The following MALL variants were observed in gnomAD, a reference collection of about 807,000 sequenced individuals.
The protein encoded by MALL is MAL-like protein.
In MALL, 2 loss-of-function variants were observed where a neutral mutation model predicts 10.3. The observed-to-expected ratio is 0.19, with a 90% CI of 0.08 to 0.61. The LOEUF (loss-of-function observed/expected upper bound fraction) is 0.61, where lower values mean the gene tolerates loss of function less well. Ranked by LOEUF, MALL falls within the 20% of genes least tolerant of loss-of-function variation. The pLI is 0.88. For synonymous variants in MALL, 27 were observed against 51.8 expected, an observed-to-expected ratio of 0.52 and a Z score of 2.05; for missense variants, 39 against 115.2, an observed-to-expected ratio of 0.34 and a Z score of 3.03.
chr2:110,111,677 C>T (rs1678804481), intron 1 of MALL, among the ~76,000 whole-genome samples: 1 of 151,934 alleles, frequency 6.6e-6, no homozygotes, highest in Non-Finnish European at 1.5e-5. Context: ...TCTACAAATT[C>T]AATGCAATCC....
At chr2:110,111,196 A>G (rs557677158) in intron 1 of MALL, among the ~76,000 whole-genome samples, 1 of 152,278 alleles carries the variant, frequency 6.6e-6, no homozygotes, top group Non-Finnish European at 1.5e-5. Flanking sequence ...CCTCTTCACC[A>G]TAGTACTGGA....
intron 1 of MALL, among the ~76,000 whole-genome samples, chr2:110,109,430 A>G (rs1678756529): frequency 6.6e-6 from 1 of 152,176 alleles, no homozygotes; most frequent in Non-Finnish European, 1.5e-5. Context: ...CAAACTTTAA[A>G]GCATTATCAG....
chr2:110,092,661 A>G (rs1678395585), intron 1 of MALL, among the ~76,000 whole-genome samples: 1 of 120,462 alleles, frequency 8.3e-6, no homozygotes, highest in African/African-American at 2.7e-5. Flanking sequence ...CATATGTAAC[A>G]AACATGCACA....
At chr2:110,112,454 A>G (rs1009888113) in intron 1 of MALL, among the ~76,000 whole-genome samples, 1 of 152,190 alleles carries the variant, frequency 6.6e-6, no homozygotes, top group African/African-American at 2.4e-5. Context: ...AAAAGAAGAT[A>G]TACAAATGGC....
chr2:110,115,893 GA>G (rs397872304), upstream of MALL: 19,851 of 347,528 alleles, frequency 0.057, 18 homozygotes, highest in Middle Eastern at 0.072. Context: ...GCCTGGGAGG[GA>G]AAAAAAAAAA....
intron 1 of MALL, among the ~76,000 whole-genome samples, chr2:110,114,071 C>A (rs1479755710): frequency 6.6e-6 from 1 of 152,050 alleles, no homozygotes; most frequent in Non-Finnish European, 1.5e-5. Flanking sequence ...CAGGTGCGGC[C>A]AACATGACCT....
At chr2:110,097,746 A>T (rs1468036869) in intron 1 of MALL, 1 of 292,772 alleles carries the variant, frequency 3.4e-6, no homozygotes, top group Non-Finnish European at 6.8e-6. Context: ...AGGGGTGGGT[A>T]CCCTGTGGCA....
At position 110,113,487 on chromosome 2, in the gene MALL, A is replaced by G. The variant is rs541990729; in HGVS notation, c.105+2201T>C. Among the ~76,000 whole-genome samples, 75 of 151,612 alleles carry G rather than the reference A, an allele frequency of 4.9e-4. 1 individual carries two copies. The highest frequency in any genetic ancestry group is 1.8e-3 in the African/African-American group (73 of 41,324). ...ACTACAAATGTAGTGCAGTGTATACATGGATGATGAGTGCACCAAAATCTT... is the reference window on the plus strand; with the variant it reads ...ACTACAAATGTAGTGCAGTGTATACGTGGATGATGAGTGCACCAAAATCTT... On this transcript the variant is annotated intron_variant, in intron 1 of 3. Coordinates refer to ENST00000272462, the MANE Select transcript of MALL (RefSeq NM_005434.5).
intron 1 of MALL, among the ~76,000 whole-genome samples, chr2:110,100,411 T>C (rs1383595918): frequency 6.6e-6 from 1 of 151,950 alleles, no homozygotes; most frequent in Non-Finnish European, 1.5e-5. Context: ...AGTTCGAGGC[T>C]GCAGTGAACT....
In MALL at chr2:110,113,057, A is replaced by G. The variant is rs1678838427; in HGVS notation, c.105+2631T>C. 2.0e-5 allele frequency among the ~76,000 whole-genome samples: 3 copies of G among 152,094 alleles called. No homozygotes were observed. In the South Asian group the frequency reaches 6.2e-4, roughly 32 times the overall value. On this transcript the variant is annotated intron_variant, in intron 1 of 3. Coordinates refer to ENST00000272462, the MANE Select transcript of MALL (RefSeq NM_005434.5). ...ATGTTCTCACTGATATGTGGGAGCT[A>G]AGCTATAAGGACACAAAGGCATAAG...
intron 1 of MALL, among the ~76,000 whole-genome samples, chr2:110,111,583 A>G (rs1303682106): frequency 6.6e-6 from 1 of 152,212 alleles, no homozygotes; most frequent in Non-Finnish European, 1.5e-5. Flanking sequence ...GAAATCACAG[A>G]TGACACAAAC....
chr2:110,115,704 A>C lies in MALL; in HGVS notation c.89T>G (p.Phe30Cys). The C allele has an allele frequency of 7.8e-7, 1 of 1,288,030 alleles. No homozygotes were observed. The highest frequency in any genetic ancestry group is 9.9e-7 in the Non-Finnish European group (1 of 1,010,550). The allele number at this position is 1,288,030 out of a possible 1,614,324, so 79.8% of individuals were successfully genotyped here. Residue 30 changes from phenylalanine (F) to cysteine (C), a missense_variant, in exon 1 of 4, where the codon TTC (phenylalanine) becomes TGC (cysteine). By Grantham distance (205) the Phe-to-Cys change is radical (BLOSUM62 -2). Transcript: ENST00000272462. ...VALFLTIPFAFFLPELIFGFL... is the reference protein window; with the variant it reads ...VALFLTIPFACFLPELIFGFL... Reference sequence around the variant, plus strand: ...CGCACTCACCAGCTCGGGCAGGAAGAAGGCGAAAGGGATGGTGAGGAACAG... The same window carrying C: ...CGCACTCACCAGCTCGGGCAGGAAGCAGGCGAAAGGGATGGTGAGGAACAG...
chr2:110,109,750 C>T (rs1164340508), intron 1 of MALL, among the ~76,000 whole-genome samples: 2 of 151,992 alleles, frequency 1.3e-5, no homozygotes, highest in African/African-American at 4.8e-5. Context: ...ACATTTCATC[C>T]AACAACTGCA....
intron 1 of MALL, among the ~76,000 whole-genome samples, chr2:110,110,099 A>G (rs1678774219): frequency 6.6e-6 from 1 of 152,138 alleles, no homozygotes; most frequent in African/African-American, 2.4e-5. Context: ...ATAGCCCTAA[A>G]CACCTACATC....
intron 1 of MALL, among the ~76,000 whole-genome samples, chr2:110,109,240 C>G (rs890338040): frequency 6.6e-6 from 1 of 152,116 alleles, no homozygotes; most frequent in Non-Finnish European, 1.5e-5. Flanking sequence ...CCTAAATGAT[C>G]CACTTAAAAG....
intron 1 of MALL, among the ~76,000 whole-genome samples, chr2:110,111,366 C>A (rs1678798272): frequency 6.6e-6 from 1 of 152,098 alleles, no homozygotes; most frequent in Non-Finnish European, 1.5e-5. Flanking sequence ...AAGAATTCAG[C>A]AAAAGTTTCT....
At chr2:110,115,436 T>G (rs1420203991) in intron 1 of MALL, among the ~76,000 whole-genome samples, 2 of 142,286 alleles carry the variant, frequency 1.4e-5, no homozygotes. Flanking sequence ...GTGCGCCCGG[T>G]GGGAGGCTGG....
chr2:110,105,568 G>A (rs908262109), intron 1 of MALL, among the ~76,000 whole-genome samples: 11 of 152,290 alleles, frequency 7.2e-5, no homozygotes, highest in Non-Finnish European at 1.5e-4. Flanking sequence ...GTGAAGGGAG[G>A]GACAGAGACA....
chr2:110,093,106 C>G (rs1427780263), intron 1 of MALL, among the ~76,000 whole-genome samples: 2 of 11,344 alleles, frequency 1.8e-4, no homozygotes, highest in African/African-American at 2.4e-4. Context: ...GTTTGTGAAA[C>G]AGTGATACCA....
Sources: gnomAD v4.1 joint callset for allele counts (sites outside exome capture counted in the v4.1 genomes callset) on GRCh38, gnomAD v4.1.1 for gene constraint, MANE v1.5 for transcripts, NCBI Gene and HGNC (gene_info 2026-07-23, HGNC 2026-07-21) for gene names.